SLC17A4: variants seen among roughly 807,000 people sequenced by gnomAD.
SLC17A4 encodes solute carrier family 17 member 4.
In SLC17A4, 33 loss-of-function variants were observed where a neutral mutation model predicts 52.5. The observed-to-expected ratio is 0.63, with a 90% CI of 0.48 to 0.84. The LOEUF is 0.84. Among genes scored for constraint, SLC17A4 ranks in the 40% least tolerant of loss-of-function variants. The pLI, the probability that SLC17A4 is intolerant of heterozygous loss-of-function variation, is 0.00. For synonymous variants in SLC17A4, 225 were observed against 216.2 expected, an observed-to-expected ratio of 1.04 and a Z score of -0.36; for missense variants, 585 against 597.1, an observed-to-expected ratio of 0.98 and a Z score of 0.21.
intron 2 of SLC17A4, among the ~76,000 whole-genome samples, chr6:25,765,987 G>C (rs1380420706): frequency 6.6e-6 from 1 of 151,770 alleles, no homozygotes; most frequent in African/African-American, 2.4e-5. Context: ...GAGAAAATAG[G>C]AGACAGAAGC....
rs1295418018 is a variant in SLC17A4 at position 25,770,364 on chromosome 6, A to T, written c.532-20A>T. 6.2e-7 allele frequency: 1 copy of T among 1,614,052 alleles called. No homozygotes were observed. The highest frequency in any genetic ancestry group is 8.5e-7 in the Non-Finnish European group (1 of 1,179,918). On this transcript the variant is annotated intron_variant, in intron 4 of 11. Transcript: ENST00000377905. Reference sequence around the variant, plus strand: ...TCCAGAATGACCTCAGATCTCCAAGAATGGAATTTTTCCCCCCAGGTTATG... The same window carrying T: ...TCCAGAATGACCTCAGATCTCCAAGTATGGAATTTTTCCCCCCAGGTTATG...
In SLC17A4 at chr6:25,769,041, A is replaced by G. The variant is rs1178354325; in HGVS notation, c.148A>G (p.Ile50Val). 3.1e-6 allele frequency: 5 copies of G among 1,613,844 alleles called. No individual in the cohort carries two copies. The highest frequency in any genetic ancestry group is 4.2e-6 in the Non-Finnish European group (5 of 1,179,980). The change falls in exon 3 of 12, where the codon ATT (isoleucine) becomes GTT (valine). Residue 50 changes from isoleucine to valine, a missense_variant. By Grantham distance (29) the Ile-to-Val change is conservative (BLOSUM62 3). Transcript: ENST00000377905. ...ALILQLCNFS[I>V]YTQQMNLSIA... The stretch of plus-strand genomic sequence containing the variant: ...CATCTTGCAGCTCTGTAATTTTTCA[A>G]TTTACACCCAACAAATGAACTTGAG...
At chr6:25,778,600 C>T (rs73733807) in intron 11 of SLC17A4, among the ~76,000 whole-genome samples, 1,687 of 152,206 alleles carry the variant, frequency 0.011, 16 homozygotes, top group Middle Eastern at 0.041. Context: ...AACACAATTC[C>T]TTCCCTTGTG....
rs1358357969 is a variant in SLC17A4 at position 25,759,133 on chromosome 6, C to A, written c.-36-2794C>A. Among the ~76,000 whole-genome samples the A allele has an allele frequency of 2.6e-5, 4 of 152,062 alleles. No homozygotes were observed. The East Asian group carries it at 5.8e-4, about 22-fold the overall frequency. On this transcript the variant is annotated intron_variant, in intron 1 of 11. Transcript: ENST00000377905. The stretch of plus-strand genomic sequence containing the variant: ...GAGAGTTCCTTTTGGAGTTGATTTC[C>A]AATTTTATTCTGCTGTGGTCTGAGG...
Position 25,773,321 on chromosome 6 carries a change from T to C in SLC17A4, c.753T>C (p.Tyr251=). 1 of 1,613,994 alleles carries C rather than the reference T, an allele frequency of 6.2e-7. No homozygotes were observed. ...ACCPLWFPLI[Y]DDPVNHPFIS... ...GTCCTCTCTGGTTTCCTCTCATTTA[T>C]GATGATCCTGTGAATCATCCCTTTA... The change falls in exon 7 of 12, where the codon TAT becomes TAC. Residue 251 remains tyrosine, a synonymous_variant. Coordinates refer to ENST00000377905, the MANE Select transcript of SLC17A4 (RefSeq NM_005495.3).
intron 2 of SLC17A4, among the ~76,000 whole-genome samples, chr6:25,765,760 T>C (rs1269571974): frequency 6.6e-6 from 1 of 152,054 alleles, no homozygotes; most frequent in East Asian, 1.9e-4. Context: ...AACTAGTTAA[T>C]TAAACATCCA....
chr6:25,773,564 C>G lies in SLC17A4; in HGVS notation c.877C>G (p.Pro293Ala). The G allele has an allele frequency of 6.2e-7, 1 of 1,613,966 alleles. No individual in the cohort carries two copies. The highest frequency in any genetic ancestry group is 8.5e-7 in the Non-Finnish European group (1 of 1,179,910). ...LPIRAMIKSL[P>A]LWAILVSYFC... ...CATTAGGGCTATGATCAAATCCTTA[C>G]CACTCTGGGCCATTTTAGTCTCTTA... The change falls in exon 8 of 12, where the codon CCA becomes GCA. Residue 293 changes from proline to alanine, a missense_variant. Coordinates refer to ENST00000377905, the MANE Select transcript of SLC17A4 (RefSeq NM_005495.3).
At chr6:25,773,216 A>C in intron 6 of SLC17A4, 59 bp from the exon 7 acceptor site, 2 of 1,299,802 alleles carry the variant, frequency 1.5e-6, no homozygotes, top group South Asian at 2.4e-5. Context: ...ATCATCTTAG[A>C]GTCAAACTGA....
chr6:25,758,296 T>C (rs919965848), intron 1 of SLC17A4, among the ~76,000 whole-genome samples: 1 of 152,232 alleles, frequency 6.6e-6, no homozygotes, highest in Non-Finnish European at 1.5e-5. Context: ...AGTGAATACC[T>C]GACAGAGAAT....
intron 8 of SLC17A4, among the ~76,000 whole-genome samples, chr6:25,774,858 G>A (rs972722583): frequency 6.6e-6 from 1 of 152,240 alleles, no homozygotes; most frequent in Non-Finnish European, 1.5e-5. Flanking sequence ...AACCTTGACA[G>A]CCTCGGCTTA....
chr6:25,770,537 C>G, intron 5 of SLC17A4, 66 bp downstream of exon 5: 1 of 1,414,082 alleles, frequency 7.1e-7, no homozygotes, highest in African/African-American at 1.4e-5. Context: ...GTCCTGCCAA[C>G]AGAACCAAGA....
Position 25,770,279 on chromosome 6 carries a change from G to T in SLC17A4, c.510G>T (p.Arg170=). The change falls in exon 4 of 12, where the codon CGG becomes CGT. Residue 170 remains arginine (R), a synonymous_variant. Transcript: ENST00000377905. The part of the protein sequence containing the change: ...NAGVALLIVL[R]IVQGIAQVMV... ...GAGTGGCCTTGCTCATTGTCCTCCGGATTGTACAAGGCATAGCCCAGGTAC... is the reference window on the plus strand; with the variant it reads ...GAGTGGCCTTGCTCATTGTCCTCCGTATTGTACAAGGCATAGCCCAGGTAC... The T allele has an allele frequency of 6.2e-7, 1 of 1,614,058 alleles. No individual in the cohort carries two copies. The highest frequency in any genetic ancestry group is 8.5e-7 in the Non-Finnish European group (1 of 1,179,960).
chr6:25,764,713 GC>G (rs542076945), intron 2 of SLC17A4, among the ~76,000 whole-genome samples: 216 of 152,296 alleles, frequency 1.4e-3, no homozygotes, highest in African/African-American at 4.5e-3. Context: ...GACCCCATGA[GC>G]CCCTCAAGGG....
rs371648847 is a variant in SLC17A4 at position 25,779,300 on chromosome 6, A to C, written c.*112A>C. Reference sequence around the variant, plus strand: ...ATAAGCCATTAGCTAGACCCTGACTATGTAACGCTAAAGATTTTACCATGC... The same window carrying C: ...ATAAGCCATTAGCTAGACCCTGACTCTGTAACGCTAAAGATTTTACCATGC... On this transcript the variant is annotated 3_prime_UTR_variant, in exon 12 of 12. Transcript: ENST00000377905. 6 of 1,427,900 alleles carry C rather than the reference A, an allele frequency of 4.2e-6. No homozygotes were observed. In the Admixed American group the frequency reaches 6.8e-5, roughly 16 times the overall value. 88.5% of individuals were successfully genotyped at this position (1,427,900 alleles called of 1,614,324 possible).
At chr6:25,763,878 G>A (rs757850524) in intron 2 of SLC17A4, among the ~76,000 whole-genome samples, 3 of 152,172 alleles carry the variant, frequency 2.0e-5, no homozygotes, top group Non-Finnish European at 2.9e-5. Context: ...TTCTGTATCA[G>A]TCAGGGTTAT....
intron 1 of SLC17A4, among the ~76,000 whole-genome samples, chr6:25,761,036 C>A (rs1474137615): frequency 2.0e-5 from 3 of 152,146 alleles, no homozygotes; most frequent in African/African-American, 7.2e-5. Context: ...GCTTCATCTG[C>A]AGTAATTCTG....
At chr6:25,772,973 A>C (rs1039293544) in intron 6 of SLC17A4, among the ~76,000 whole-genome samples, 5 of 152,180 alleles carry the variant, frequency 3.3e-5, no homozygotes, top group Admixed American at 6.5e-5. Flanking sequence ...TCAATGGATG[A>C]GCTGGAGCAT....
chr6:25,773,239 AATCCATCCAGTGCTAACTGG>A lies in SLC17A4; in HGVS notation c.707-31_707-12del. ...AGAGTCAAACTGAAAGAAGTACTTC[AATCCATCCAGTGCTAACTGG>A]ATCCCCTTTTCCTAGGAGGAATTGG... On this transcript the variant is annotated splice_polypyrimidine_tract_variant and intron_variant, in intron 6 of 11. Transcript: ENST00000377905. 2.6e-6 allele frequency: 4 copies of A among 1,516,640 alleles called. No individual in the cohort carries two copies. Among genetic ancestry groups the A allele is most frequent in the Non-Finnish European group, 3.7e-6 (4 of 1,091,450 alleles). 93.9% of individuals were successfully genotyped at this position (1,516,640 alleles called of 1,614,324 possible).
intron 1 of SLC17A4, among the ~76,000 whole-genome samples, chr6:25,755,728 C>T (rs1760959282): frequency 6.6e-6 from 1 of 152,156 alleles, no homozygotes; most frequent in Non-Finnish European, 1.5e-5. Context: ...GACTCACAGA[C>T]ACAAAACTTA....
Sources: gnomAD v4.1 joint callset for allele counts (sites outside exome capture counted in the v4.1 genomes callset) on GRCh38, gnomAD v4.1.1 for gene constraint, MANE v1.5 for transcripts, NCBI Gene and HGNC (gene_info 2026-07-23, HGNC 2026-07-21) for gene names.